The following LNPK variants were observed in gnomAD, a reference collection of about 807,000 sequenced individuals.
LNPK encodes the protein endoplasmic reticulum junction formation protein lunapark.
A neutral mutation model predicts 55.2 loss-of-function variants in LNPK; 29 were observed. The observed-to-expected ratio is 0.53, with a 90% confidence interval of 0.39 to 0.72. The LOEUF (loss-of-function observed/expected upper bound fraction) is 0.72, where lower values mean the gene tolerates loss of function less well. Ranked by LOEUF, LNPK falls within the 30% of genes least tolerant of loss-of-function variation. The pLI, the probability that LNPK is intolerant of heterozygous loss-of-function variation, is 0.00. For missense variants in LNPK, 467 were observed against 494.8 expected, an observed-to-expected ratio of 0.94 and a Z score of 0.53; for synonymous variants, 162 against 168.2, an observed-to-expected ratio of 0.96 and a Z score of 0.29.
chr2:175,966,177 CCTCAGG>C (rs1686337652), intron 6 of LNPK, among the ~76,000 whole-genome samples: 2 of 152,146 alleles, frequency 1.3e-5, no homozygotes, highest in African/African-American at 4.8e-5. Flanking sequence ...CGATTCTCTG[CCTCAGG>C]CTCCCAAGTA....
intron 5 of LNPK, among the ~76,000 whole-genome samples, chr2:175,971,899 C>T (rs1274781219): frequency 1.3e-5 from 2 of 152,088 alleles, no homozygotes; most frequent in African/African-American, 4.8e-5. Flanking sequence ...GCTTTATGGG[C>T]CAAAAAGCAA....
rs529155080 is a variant in LNPK at position 175,940,185 on chromosome 2, T to C, written c.707-528A>G. Among the ~76,000 whole-genome samples, 54 of 152,156 alleles carry C rather than the reference T, an allele frequency of 3.5e-4. 1 individual carries two copies. Among genetic ancestry groups the C allele is most frequent in the South Asian group, 2.7e-3 (13 of 4,804 alleles). On this transcript the variant is annotated intron_variant, in intron 9 of 12. Coordinates refer to ENST00000272748, the MANE Select transcript of LNPK (RefSeq NM_030650.3). ...CATGCCCTACAACTGCCCCAGCTTA[T>C]TGCCTATAGAGAGTTTCCACTCGGC...
At chr2:175,986,814 C>G (rs548456675) in intron 4 of LNPK, among the ~76,000 whole-genome samples, 11 of 151,666 alleles carry the variant, frequency 7.3e-5, no homozygotes, top group Non-Finnish European at 1.2e-4. Flanking sequence ...CTGTCTCAAT[C>G]CAAAAGTCAG....
chr2:175,993,991 A>G lies in LNPK; in HGVS notation c.28-768T>C, dbSNP rs562438241. ...CAGGTTATCTTCTTTCTAAATTCCT[A>G]AAGTACTTTTTGCAGATCAGATTTT... On this transcript the variant is annotated intron_variant, in intron 2 of 12. Coordinates refer to ENST00000272748, the MANE Select transcript of LNPK (RefSeq NM_030650.3). The G allele has an allele frequency of 5.7e-4, 99 of 173,400 alleles. 2 individuals carry two copies. The South Asian group carries it at 9.6e-3, about 17-fold the overall frequency. The allele number at this position is 173,400 out of a possible 1,614,324, so 10.7% of individuals were successfully genotyped here. A position where few individuals can be genotyped will look rare whatever the true frequency, so the allele number is the denominator to read the frequency against.
intron 8 of LNPK, among the ~76,000 whole-genome samples, chr2:175,955,042 T>C (rs1217145138): frequency 6.6e-6 from 1 of 152,204 alleles, no homozygotes; most frequent in Non-Finnish European, 1.5e-5. Flanking sequence ...AGAAAGGGTT[T>C]ACAGTGATGA....
chr2:175,984,144 GA>G (rs1178841361), intron 4 of LNPK, among the ~76,000 whole-genome samples: 2 of 150,294 alleles, frequency 1.3e-5, no homozygotes, highest in African/African-American at 4.9e-5. Flanking sequence ...AGATTAGGGG[GA>G]AAAAAAGCTG....
chr2:175,989,789 A>ATAATTC (rs1687608663), intron 4 of LNPK, among the ~76,000 whole-genome samples: 1 of 152,212 alleles, frequency 6.6e-6, no homozygotes, highest in Non-Finnish European at 1.5e-5. Flanking sequence ...AGGCCAAAAA[A>ATAATTC]CAGTATGTGG....
In LNPK at chr2:175,928,837, C is replaced by T. The variant is rs1390873514; in HGVS notation, c.*1130G>A. 1 of 152,350 alleles carries T rather than the reference C, an allele frequency of 6.6e-6. No individual in the cohort carries two copies. Among genetic ancestry groups the T allele is most frequent in the Non-Finnish European group, 1.5e-5 (1 of 68,116 alleles). 9.4% of individuals were successfully genotyped at this position (152,350 alleles called of 1,614,324 possible). Reference sequence around the variant, plus strand: ...AATCCAATTAACTACCAGCAACCCACTACCTATTCTCACAAAATTTGTTTC... The same window carrying T: ...AATCCAATTAACTACCAGCAACCCATTACCTATTCTCACAAAATTTGTTTC... On this transcript the variant is annotated 3_prime_UTR_variant, in exon 13 of 13. Coordinates refer to ENST00000272748, the MANE Select transcript of LNPK (RefSeq NM_030650.3).
At chr2:175,992,666 T>C (rs1421486084) in intron 3 of LNPK, among the ~76,000 whole-genome samples, 1 of 152,124 alleles carries the variant, frequency 6.6e-6, no homozygotes, top group East Asian at 1.9e-4. Flanking sequence ...TTTTAAACTA[T>C]CAAATTGGCA....
chr2:175,978,835 A>G (rs1426789927), intron 5 of LNPK, among the ~76,000 whole-genome samples: 1 of 152,142 alleles, frequency 6.6e-6, no homozygotes, highest in East Asian at 1.9e-4. Context: ...GTAGGCTTTG[A>G]CAGATAAGTA....
At chr2:175,938,435 A>G (rs756703754) in intron 10 of LNPK, 52 bp from the exon 11 acceptor site, 4 of 959,456 alleles carry the variant, frequency 4.2e-6, no homozygotes, top group Non-Finnish European at 6.3e-6. Flanking sequence ...AACAAAGCTC[A>G]TGACAGAGAC....
intron 1 of LNPK, among the ~76,000 whole-genome samples, chr2:176,001,596 T>C (rs1688161350): frequency 2.0e-5 from 3 of 151,964 alleles, no homozygotes; most frequent in Admixed American, 2.0e-4. Context: ...TTGGAGAGTC[T>C]CTTCTCTAAG....
At chr2:175,961,324 T>C (rs566266586) in intron 8 of LNPK, among the ~76,000 whole-genome samples, 2 of 152,278 alleles carry the variant, frequency 1.3e-5, no homozygotes, top group South Asian at 4.1e-4. Flanking sequence ...GTGAACTGAA[T>C]CCAGCAGCAC....
chr2:175,962,749 C>T (rs1686110665), intron 8 of LNPK, among the ~76,000 whole-genome samples: 1 of 152,092 alleles, frequency 6.6e-6, no homozygotes, highest in Non-Finnish European at 1.5e-5. Context: ...GAAGAAACTA[C>T]CATCAGACTG....
chr2:175,980,898 C>T lies in LNPK; in HGVS notation c.258-1030G>A, dbSNP rs188480432. 6.3e-3 allele frequency among the ~76,000 whole-genome samples: 819 copies of T among 129,102 alleles called. 37 individuals carry two copies. The highest frequency in any genetic ancestry group is 1.6e-3 in the Non-Finnish European group (96 of 60,212). The allele number at this position is 129,102 out of a possible 152,430, so 84.7% of individuals were successfully genotyped here. A position where few individuals can be genotyped will look rare whatever the true frequency, so the allele number is the denominator to read the frequency against. On this transcript the variant is annotated intron_variant, in intron 4 of 12. Transcript: ENST00000272748. Reference sequence around the variant, plus strand: ...CTCCAGCCTAGGCGGCAGAGAAAGACTGTCCCAAAAAAAAAAAAAAAAAGA... The same window carrying T: ...CTCCAGCCTAGGCGGCAGAGAAAGATTGTCCCAAAAAAAAAAAAAAAAAGA...
chr2:175,935,771 C>A lies in LNPK; in HGVS notation c.1054+1573G>T, dbSNP rs762929328. 3.3e-5 allele frequency: 32 copies of A among 971,338 alleles called. No homozygotes were observed. In the African/African-American group the frequency reaches 5.6e-4, roughly 17 times the overall value. The allele number at this position is 971,338 out of a possible 1,614,324, so 60.2% of individuals were successfully genotyped here. A position where few individuals can be genotyped will look rare whatever the true frequency, so the allele number is the denominator to read the frequency against. On this transcript the variant is annotated intron_variant, in intron 12 of 12. Coordinates refer to ENST00000272748, the MANE Select transcript of LNPK (RefSeq NM_030650.3). Reference sequence around the variant, plus strand: ...CAGGAATTTCAGACAGAAAATGAGACGTCTGGGGTATTGCTCCTCCTAGAT... The same window carrying A: ...CAGGAATTTCAGACAGAAAATGAGAAGTCTGGGGTATTGCTCCTCCTAGAT...
intron 9 of LNPK, chr2:175,940,910 C>A: frequency 2.2e-6 from 1 of 447,134 alleles, no homozygotes; most frequent in Middle Eastern, 3.3e-4. Flanking sequence ...TTAGACACTG[C>A]ACACAAAAAA....
chr2:175,935,700 A>C, intron 12 of LNPK: 1 of 861,004 alleles, frequency 1.2e-6, no homozygotes, highest in Non-Finnish European at 1.4e-6. Context: ...TTCATGTAAT[A>C]ACATTACCTT....
chr2:175,965,926 T>G (rs979345979), intron 6 of LNPK, among the ~76,000 whole-genome samples: 1 of 152,212 alleles, frequency 6.6e-6, no homozygotes, highest in African/African-American at 2.4e-5. Flanking sequence ...CTTTTGATTT[T>G]TTAGCAGTGT....
Sources: allele counts gnomAD v4.1 joint callset (sites outside exome capture counted in the v4.1 genomes callset), GRCh38; gene constraint gnomAD v4.1.1; transcripts MANE v1.5; gene names NCBI Gene and HGNC (gene_info 2026-07-23, HGNC 2026-07-21).